The following L3HYPDH variants were observed in gnomAD, a reference collection of about 807,000 sequenced individuals.
L3HYPDH encodes the protein trans-3-hydroxy-L-proline dehydratase.
L3HYPDH carries 32 observed loss-of-function variants against 26.5 expected under a neutral mutation model. The observed-to-expected ratio is 1.21, with a 90% CI of 0.91 to 1.62. The LOEUF (loss-of-function observed/expected upper bound fraction) is 1.62. L3HYPDH is among the 40% of genes most tolerant of loss of function. L3HYPDH has a pLI of 0.00. For missense variants in L3HYPDH, 554 were observed against 476.4 expected (o/e 1.16, Z -1.52); for synonymous variants, 215 against 196.6 (o/e 1.09, Z -0.78).
At chr14:59,479,120 A>G in intron 2 of L3HYPDH, 62 bp downstream of exon 2, 6 of 1,151,852 alleles carry the variant, frequency 5.2e-6, no homozygotes, top group South Asian at 1.5e-5. Context: ...TAGACATAAT[A>G]ATGTATATTT....
rs540093189 is a variant in L3HYPDH, at chr14:59,483,278, TAAAG to T, written c.508+527_508+530del. 4.6e-4 allele frequency among the ~76,000 whole-genome samples: 70 copies of T among 152,346 alleles called. 1 individual carries two copies. In the East Asian group the frequency reaches 0.012, roughly 26 times the overall value. On this transcript the variant is annotated intron_variant, in intron 1 of 4. Transcript: ENST00000247194. Reference sequence around the variant, plus strand: ...ACCAGGCAATGTGTGTTCCTGTTCTTAAAGAAAAGCAACATTCGTATCTTAATGA... The same window carrying T: ...ACCAGGCAATGTGTGTTCCTGTTCTTAAAAGCAACATTCGTATCTTAATGA...
the L3HYPDH span, among the ~76,000 whole-genome samples, chr14:59,492,776 A>C: frequency 1.3e-5 from 2 of 151,154 alleles, no homozygotes; most frequent in Admixed American, 1.3e-4. Flanking sequence ...GGAAAAATAG[A>C]GACTATGAAG....
At chr14:59,481,916 T>C (rs574222737) in intron 1 of L3HYPDH, among the ~76,000 whole-genome samples, 1 of 152,334 alleles carries the variant, frequency 6.6e-6, no homozygotes, top group East Asian at 1.9e-4. Context: ...GGGGAGTTCC[T>C]GGCACAGATT....
chr14:59,499,787 C>T, the L3HYPDH span, among the ~76,000 whole-genome samples: 26 of 152,106 alleles, frequency 1.7e-4, 2 homozygotes, highest in Admixed American at 8.5e-4. Flanking sequence ...TTCTGTTATC[C>T]GCCATATTCT....
chr14:59,484,504 C>G, upstream of L3HYPDH: 1 of 1,514,578 alleles, frequency 6.6e-7, no homozygotes, highest in Non-Finnish European at 9.0e-7. Flanking sequence ...GAGGCGGAGC[C>G]GCCGAGCTCG....
the L3HYPDH span, among the ~76,000 whole-genome samples, chr14:59,503,085 T>C: frequency 6.6e-6 from 1 of 150,858 alleles, no homozygotes; most frequent in African/African-American, 2.5e-5. Context: ...AAGAATTAGC[T>C]ATACACTGTT....
At chr14:59,491,010 G>T in the L3HYPDH span, among the ~76,000 whole-genome samples, 1 of 152,220 alleles carries the variant, frequency 6.6e-6, no homozygotes, top group Non-Finnish European at 1.5e-5. Context: ...TAAAAAGAGG[G>T]AGTTGTACAA....
At chr14:59,485,623 C>A (rs1051647890), upstream of L3HYPDH, 1 of 152,606 alleles carries the variant, frequency 6.6e-6, no homozygotes, top group Non-Finnish European at 1.5e-5. Flanking sequence ...ACATGTAGAC[C>A]GCAGTTTGTT....
chr14:59,501,364 G>A, the L3HYPDH span: 1 of 748,104 alleles, frequency 1.3e-6, no homozygotes. Context: ...ACAACTAATT[G>A]TTTTAGTAAT....
chr14:59,479,655 G>T (rs1193700939), intron 1 of L3HYPDH, among the ~76,000 whole-genome samples: 1 of 152,152 alleles, frequency 6.6e-6, no homozygotes, highest in African/African-American at 2.4e-5. Flanking sequence ...CCCTGAGGCC[G>T]AGAGAGGGAA....
chr14:59,487,907 A>T, upstream of L3HYPDH: 1 of 1,276,900 alleles, frequency 7.8e-7, no homozygotes, highest in Non-Finnish European at 1.1e-6. Flanking sequence ...TTAAGTAATT[A>T]TGCTTCTTCT....
upstream of L3HYPDH, among the ~76,000 whole-genome samples, chr14:59,488,845 G>T (rs1566574508): frequency 6.6e-6 from 1 of 152,142 alleles, no homozygotes; most frequent in Non-Finnish European, 1.5e-5. Context: ...TCTGATTTCA[G>T]TTTAAAAGTC....
intron 1 of L3HYPDH, among the ~76,000 whole-genome samples, chr14:59,483,009 CATG>C (rs1566566154): frequency 6.6e-6 from 1 of 152,032 alleles, no homozygotes; most frequent in Non-Finnish European, 1.5e-5. Context: ...CCCTGCTTTA[CATG>C]ATAAGCTGTA....
chr14:59,474,162 G>GT (rs1889459910), intron 4 of L3HYPDH, among the ~76,000 whole-genome samples: 1 of 152,144 alleles, frequency 6.6e-6, no homozygotes, highest in Non-Finnish European at 1.5e-5. Context: ...ATGTAAGGGT[G>GT]TATGTCCACT....
chr14:59,484,031 GC>G lies in L3HYPDH; in HGVS notation c.285del (p.His96ThrfsTer47). ...CACATGGAGCTGTAGCCCTCGTTGT[GC>G]AGGAACAGGACGCCCAGATGCGCGT... ...LPDAHLGVLFLHNEGYSSMCG... is the reference protein window; with the variant it reads ...LPDAHLGVLFXHNEGYSSMCG... On this transcript the variant is annotated frameshift_variant, in exon 1 of 5. Coordinates refer to ENST00000247194, the MANE Select transcript of L3HYPDH (RefSeq NM_144581.2). LOFTEE classifies it high-confidence loss of function. The G allele has an allele frequency of 1.9e-6, 3 of 1,605,232 alleles. No individual in the cohort carries two copies. The highest frequency in any genetic ancestry group is 2.5e-6 in the Non-Finnish European group (3 of 1,179,232).
At position 59,479,219 on chromosome 14, in the gene L3HYPDH, T is replaced by C. The variant is rs1427837591; in HGVS notation, c.641A>G (p.Asp214Gly). ...TGCCTCTGTCACTGCACTCGCTGCA[T>C]CCACAAGGTCCCTGGTCTTTGCAGA... ...ICSAKTRDLV[D>G]AASAVTEAVK... Residue 214 changes from aspartate (D) to glycine (G), a missense_variant, in exon 2 of 5, where the codon GAT (aspartate) becomes GGT (glycine). Coordinates refer to ENST00000247194, the MANE Select transcript of L3HYPDH (RefSeq NM_144581.2). 6.2e-7 allele frequency: 1 copy of C among 1,611,426 alleles called. No individual in the cohort carries two copies. The highest frequency in any genetic ancestry group is 8.5e-7 in the Non-Finnish European group (1 of 1,179,514).
At chr14:59,484,684 G>A, upstream of L3HYPDH, 1 of 1,460,378 alleles carries the variant, frequency 6.8e-7, no homozygotes, top group Non-Finnish European at 9.4e-7. Flanking sequence ...TTTGTAGGCG[G>A]CCTTCGGTTG....
intron 4 of L3HYPDH, chr14:59,474,352 G>A (rs140327006): frequency 2.8e-4 from 156 of 563,328 alleles, no homozygotes; most frequent in Middle Eastern, 1.7e-3. Flanking sequence ...CTTAGAGTCA[G>A]GAGGCAGGAT....
At chr14:59,483,575 C>T in intron 1 of L3HYPDH, 1 of 1,419,638 alleles carries the variant, frequency 7.0e-7, no homozygotes, top group Non-Finnish European at 9.2e-7. Flanking sequence ...CAATTCCTCG[C>T]TCCTCAAGGG....
Sources: gnomAD v4.1 joint callset for allele counts (sites outside exome capture counted in the v4.1 genomes callset) on GRCh38, gnomAD v4.1.1 for gene constraint, MANE v1.5 for transcripts, NCBI Gene and HGNC (gene_info 2026-07-23, HGNC 2026-07-21) for gene names.